Variants in PTPRT observed in about 807,000 individuals in gnomAD.
PTPRT encodes receptor-type tyrosine-protein phosphatase T.
In PTPRT, 56 loss-of-function variants were observed where a neutral mutation model predicts 176.8. The ratio of observed to expected loss-of-function variants is 0.32; its 90% CI spans 0.26 to 0.40. The LOEUF (loss-of-function observed/expected upper bound fraction) is 0.40, where lower values mean the gene tolerates loss of function less well. PTPRT is among the 10% of genes least tolerant of loss of function. PTPRT has a pLI of 1.00. For synonymous variants in PTPRT, 783 were observed against 739.0 expected (o/e 1.06, Z -0.96); for missense variants, 1,540 against 1,908.2 (o/e 0.81, Z 3.60).
intron 1 of PTPRT, among the ~76,000 whole-genome samples, chr20:43,106,798 C>CT (rs896419353): frequency 4.0e-5 from 6 of 149,798 alleles, no homozygotes; most frequent in East Asian, 2.0e-4. Context: ...TTTTAACTTT[C>CT]TTTTTTTTTG....
chr20:42,983,225 AT>A (rs1324584780), intron 1 of PTPRT, among the ~76,000 whole-genome samples: 2 of 152,196 alleles, frequency 1.3e-5, no homozygotes, highest in African/African-American at 4.8e-5. Flanking sequence ...ACTAGGTTAA[AT>A]TTAGGCCACT....
At chr20:42,475,315 T>C (rs1234546749) in intron 7 of PTPRT, among the ~76,000 whole-genome samples, 1 of 152,176 alleles carries the variant, frequency 6.6e-6, no homozygotes, top group African/African-American at 2.4e-5. Flanking sequence ...ACCCCACATG[T>C]AGTGTGCAAA....
At chr20:42,716,711 A>C (rs1293806488) in intron 6 of PTPRT, among the ~76,000 whole-genome samples, 5 of 152,198 alleles carry the variant, frequency 3.3e-5, no homozygotes, top group Non-Finnish European at 7.3e-5. Context: ...ATTATAAATC[A>C]TGCTGCTATA....
chr20:42,249,032 G>A (rs2056505379), intron 13 of PTPRT, among the ~76,000 whole-genome samples: 1 of 152,204 alleles, frequency 6.6e-6, no homozygotes, highest in African/African-American at 2.4e-5. Context: ...TTGAGATGAA[G>A]AAACTGACAT....
At chr20:42,726,168 G>A (rs112643448) in intron 6 of PTPRT, among the ~76,000 whole-genome samples, 7,247 of 151,420 alleles carry the variant, frequency 0.048, 228 homozygotes, top group South Asian at 0.087. Context: ...CAACCTCTGC[G>A]TCCCAGGTTC....
chr20:42,280,125 GA>G (rs112904567), intron 13 of PTPRT, among the ~76,000 whole-genome samples: 5,252 of 152,272 alleles, frequency 0.034, 331 homozygotes, highest in African/African-American at 0.12. Context: ...GGGTGGTCAG[GA>G]AGGGATGGGA....
intron 12 of PTPRT, among the ~76,000 whole-genome samples, chr20:42,293,096 T>C (rs2057341647): frequency 6.6e-6 from 1 of 152,198 alleles, no homozygotes; most frequent in Non-Finnish European, 1.5e-5. Flanking sequence ...AGGCTCCACT[T>C]GAGGCAATAG....
At chr20:42,787,256 A>G (rs964299381) in intron 3 of PTPRT, among the ~76,000 whole-genome samples, 2 of 152,210 alleles carry the variant, frequency 1.3e-5, no homozygotes, top group Non-Finnish European at 2.9e-5. Flanking sequence ...ACTGGGGCAC[A>G]CTATGAAATG....
At chr20:42,994,678 T>C (rs773563991) in intron 1 of PTPRT, among the ~76,000 whole-genome samples, 1 of 152,224 alleles carries the variant, frequency 6.6e-6, no homozygotes, top group African/African-American at 2.4e-5. Context: ...AATATATTAA[T>C]GAGCAGAATT....
chr20:43,125,538 T>A (rs986610165), intron 1 of PTPRT, among the ~76,000 whole-genome samples: 6 of 152,232 alleles, frequency 3.9e-5, no homozygotes, highest in African/African-American at 1.4e-4. Flanking sequence ...TCTATAAGCA[T>A]CCAACTTGCT....
rs930753426 is a variant in PTPRT, at chr20:42,073,059, T to C, written c.*7820A>G. 12 of 218,226 alleles carry C rather than the reference T, an allele frequency of 5.5e-5. No individual in the cohort carries two copies. Among genetic ancestry groups the C allele is most frequent in the African/African-American group, 2.7e-4 (12 of 44,470 alleles). 13.5% of individuals were successfully genotyped at this position (218,226 alleles called of 1,614,324 possible). ...TCTCTTCTCATACGTGCTTTATCTA[T>C]CAAACACCCAAACTGTACAAGTGCA... On this transcript the variant is annotated 3_prime_UTR_variant, in exon 31 of 31. Transcript: ENST00000373187.
At chr20:42,479,310 G>A (rs551303840) in intron 7 of PTPRT, among the ~76,000 whole-genome samples, 2 of 152,340 alleles carry the variant, frequency 1.3e-5, no homozygotes, top group Non-Finnish European at 2.9e-5. Flanking sequence ...TGTGGAGGTG[G>A]ATAGCTTGTA....
At position 42,769,956 on chromosome 20, in the gene PTPRT, G is replaced by A. The variant is rs199928513; in HGVS notation, c.684+1479C>T. On this transcript the variant is annotated intron_variant, in intron 5 of 30. Coordinates refer to ENST00000373187, the MANE Select transcript of PTPRT (RefSeq NM_007050.6). ...AGATTGGCGGTTGCTTGTGACAAAC[G>A]GGAGTGGGGAAGTCAGAAGGAAGTG... 7.5e-4 allele frequency among the ~76,000 whole-genome samples: 114 copies of A among 152,298 alleles called. 1 individual carries two copies. The East Asian group carries it at 7.7e-3, about 10-fold the overall frequency.
At chr20:42,900,672 A>G (rs1413023009) in intron 1 of PTPRT, among the ~76,000 whole-genome samples, 1 of 152,154 alleles carries the variant, frequency 6.6e-6, no homozygotes, top group Non-Finnish European at 1.5e-5. Context: ...ATAATAGTAC[A>G]TTGTTGGGAG....
chr20:42,357,968 A>G (rs2058380560), intron 9 of PTPRT, among the ~76,000 whole-genome samples: 1 of 152,300 alleles, frequency 6.6e-6, no homozygotes, highest in East Asian at 1.9e-4. Flanking sequence ...GTCATAGAAA[A>G]GCAAAGAAAG....
chr20:42,515,098 A>C (rs2072035970), intron 7 of PTPRT, among the ~76,000 whole-genome samples: 1 of 152,180 alleles, frequency 6.6e-6, no homozygotes, highest in South Asian at 2.1e-4. Flanking sequence ...TCAACATCTT[A>C]AACACACTGG....
At chr20:42,855,367 T>C (rs554221921) in intron 2 of PTPRT, among the ~76,000 whole-genome samples, 2 of 149,484 alleles carry the variant, frequency 1.3e-5, no homozygotes, top group Admixed American at 1.3e-4. Context: ...TGCCCCAACC[T>C]CATGCTATAG....
At chr20:42,155,661 T>G (rs1000637946) in intron 17 of PTPRT, among the ~76,000 whole-genome samples, 6 of 152,216 alleles carry the variant, frequency 3.9e-5, no homozygotes, top group African/African-American at 1.4e-4. Context: ...TTATTTCAAA[T>G]AATTGAACTT....
intron 16 of PTPRT, among the ~76,000 whole-genome samples, chr20:42,164,492 A>G (rs563125147): frequency 5.3e-5 from 8 of 152,308 alleles, no homozygotes; most frequent in African/African-American, 1.9e-4. Context: ...ACTCAGAACC[A>G]AGGGATTTTC....
Sources: gnomAD v4.1 joint callset for allele counts (sites outside exome capture counted in the v4.1 genomes callset) on GRCh38, gnomAD v4.1.1 for gene constraint, MANE v1.5 for transcripts, NCBI Gene and HGNC (gene_info 2026-07-23, HGNC 2026-07-21) for gene names.